The following AFG2A variants were observed in gnomAD, a reference collection of about 807,000 sequenced individuals.
AFG2A encodes the protein ATPase family gene 2 protein homolog A.
At chr4:123,158,252 A>C in the AFG2A span, among the ~76,000 whole-genome samples, 1 of 152,218 alleles carries the variant, frequency 6.6e-6, no homozygotes, top group Admixed American at 6.5e-5. Context: ...AAATAACCTG[A>C]ATCTCAGGTC....
the AFG2A span, among the ~76,000 whole-genome samples, chr4:123,108,798 A>G: frequency 2.0e-5 from 3 of 152,174 alleles, no homozygotes; most frequent in Non-Finnish European, 2.9e-5. Context: ...ATTTTTATGA[A>G]TGTTTAGGAT....
chr4:123,261,822 C>T, the AFG2A span, among the ~76,000 whole-genome samples: 1 of 152,042 alleles, frequency 6.6e-6, no homozygotes, highest in Non-Finnish European at 1.5e-5. Context: ...TTCTATTGCC[C>T]AGGCTGGAGT....
chr4:123,053,332 C>T, the AFG2A span, among the ~76,000 whole-genome samples: 31 of 152,214 alleles, frequency 2.0e-4, no homozygotes, highest in African/African-American at 5.5e-4. Flanking sequence ...ACTCCGGCTG[C>T]GTGGAAATGC....
chr4:123,027,540 TCCTTTCTG>T, the AFG2A span, among the ~76,000 whole-genome samples: 1 of 152,192 alleles, frequency 6.6e-6, no homozygotes, highest in Non-Finnish European at 1.5e-5. Context: ...GTACTTAGTA[TCCTTTCTG>T]TTGAACTGTG....
At chr4:123,117,751 G>C in the AFG2A span, among the ~76,000 whole-genome samples, 167 of 151,912 alleles carry the variant, frequency 1.1e-3, 1 homozygote, top group Middle Eastern at 3.4e-3. Context: ...ACAAATCATA[G>C]CAAGTCACTT....
chr4:123,107,865 A>T, the AFG2A span, among the ~76,000 whole-genome samples: 1 of 152,348 alleles, frequency 6.6e-6, no homozygotes, highest in Non-Finnish European at 1.5e-5. Context: ...GACAGCACCC[A>T]GGCTTGGCCA....
the AFG2A span, among the ~76,000 whole-genome samples, chr4:123,029,006 A>T: frequency 1.3e-5 from 2 of 152,242 alleles, no homozygotes; most frequent in African/African-American, 4.8e-5. Context: ...CTTAATCCAC[A>T]CATATAAAAC....
the AFG2A span, among the ~76,000 whole-genome samples, chr4:123,005,572 G>A: frequency 1.3e-5 from 2 of 151,994 alleles, no homozygotes; most frequent in African/African-American, 2.4e-5. Context: ...TCTTAAGGTG[G>A]GATGTGTGGT....
chr4:123,229,682 T>C, the AFG2A span, among the ~76,000 whole-genome samples: 2 of 152,092 alleles, frequency 1.3e-5, no homozygotes, highest in Non-Finnish European at 2.9e-5. Context: ...TCTGGGATGA[T>C]GGAAATGCCG....
At chr4:123,269,830 T>A in the AFG2A span, among the ~76,000 whole-genome samples, 1 of 152,218 alleles carries the variant, frequency 6.6e-6, no homozygotes. Flanking sequence ...TTTGTTTTGT[T>A]TTGTTGAGAT....
chr4:123,000,804 T>C, the AFG2A span, among the ~76,000 whole-genome samples: 1 of 71,156 alleles, frequency 1.4e-5, no homozygotes, highest in Non-Finnish European at 3.9e-5. Context: ...GGTATCAGGA[T>C]GATGCTGGCC....
At chr4:123,152,787 C>G in the AFG2A span, among the ~76,000 whole-genome samples, 4 of 152,142 alleles carry the variant, frequency 2.6e-5, no homozygotes, top group Admixed American at 2.6e-4. Context: ...CATGTCCACA[C>G]AAAAACCTGC....
At chr4:123,296,648 C>G in the AFG2A span, among the ~76,000 whole-genome samples, 2 of 151,160 alleles carry the variant, frequency 1.3e-5, no homozygotes, top group African/African-American at 2.4e-5. Flanking sequence ...AGTGTAGATG[C>G]AACAAAATTG....
At chr4:122,928,918 T>TACAATC in the AFG2A span, 1 of 1,234,790 alleles carries the variant, frequency 8.1e-7, no homozygotes, top group Non-Finnish European at 1.1e-6. Flanking sequence ...GTAACTCTTT[T>TACAATC]TGGGTAAAGA....
At chr4:123,289,568 T>C in the AFG2A span, among the ~76,000 whole-genome samples, 1 of 152,218 alleles carries the variant, frequency 6.6e-6, no homozygotes. Flanking sequence ...ATTCTACCTT[T>C]AGTTCTTTGA....
chr4:123,273,822 C>A, the AFG2A span, among the ~76,000 whole-genome samples: 1 of 152,104 alleles, frequency 6.6e-6, no homozygotes, highest in African/African-American at 2.4e-5. Context: ...CCCAAGATAA[C>A]TTATTATGTA....
the AFG2A span, among the ~76,000 whole-genome samples, chr4:123,108,444 C>T: frequency 6.6e-6 from 1 of 151,940 alleles, no homozygotes; most frequent in Non-Finnish European, 1.5e-5. Context: ...GTAAACCAGA[C>T]CAGTGCCTTG....
chr4:123,086,037 A>G, the AFG2A span, among the ~76,000 whole-genome samples: 1 of 152,102 alleles, frequency 6.6e-6, no homozygotes, highest in South Asian at 2.1e-4. Context: ...TTGTCCGTAA[A>G]CTATAGGTAT....
the AFG2A span, among the ~76,000 whole-genome samples, chr4:123,154,580 T>C: frequency 1.3e-5 from 2 of 152,124 alleles, no homozygotes; most frequent in African/African-American, 4.8e-5. Flanking sequence ...ACTAAAAAAA[T>C]AGAAACAGTT....
Sources: gnomAD v4.1 joint callset for allele counts (sites outside exome capture counted in the v4.1 genomes callset) on GRCh38, gnomAD v4.1.1 for gene constraint, MANE v1.5 for transcripts, NCBI Gene and HGNC (gene_info 2026-07-23, HGNC 2026-07-21) for gene names.